The following SERINC5 variants were observed in gnomAD, a reference collection of about 807,000 sequenced individuals.
SERINC5 encodes the protein chromosome 5 open reading frame 12.
A neutral mutation model predicts 63.1 loss-of-function variants in SERINC5; 41 were observed. That is an observed-to-expected ratio of 0.65 (90% confidence interval 0.51 to 0.84). The LOEUF (loss-of-function observed/expected upper bound fraction) is 0.84, where lower values mean the gene tolerates loss of function less well. Among genes scored for constraint, SERINC5 ranks in the 40% least tolerant of loss-of-function variants. The probability of loss-of-function intolerance (pLI) is 0.00; values close to 1 mark genes in which losing one functional copy is unlikely to be tolerated. For synonymous variants in SERINC5, 222 were observed against 215.2 expected (o/e 1.03, Z -0.28); for missense variants, 523 against 573.0 (o/e 0.91, Z 0.89).
intron 1 of SERINC5, among the ~76,000 whole-genome samples, chr5:80,204,874 A>T (rs1750073197): frequency 6.6e-6 from 1 of 152,208 alleles, no homozygotes; most frequent in Admixed American, 6.5e-5. Flanking sequence ...GGGAAAAACA[A>T]AACTGCAGCT....
chr5:80,255,917 T>C lies in SERINC5; in HGVS notation c.6A>G (p.Ser2=), dbSNP rs1400193607. M[S]AQCCAGQLAC... ...TCACCTGGCCCGCACAGCACTGAGC[T>C]GACATCGCGGCGGCCAATGCCGAAG... The change falls in exon 1 of 12, where the codon TCA becomes TCG. Residue 2 remains serine (S), a synonymous_variant. Coordinates refer to ENST00000507668, the MANE Select transcript of SERINC5 (RefSeq NM_001174072.3). 4 of 1,567,236 alleles carry C rather than the reference T, an allele frequency of 2.6e-6. No homozygotes were observed. The highest frequency in any genetic ancestry group is 2.1e-4 in the Middle Eastern group (1 of 4,758).
intron 7 of SERINC5, among the ~76,000 whole-genome samples, chr5:80,163,571 G>A (rs945438777): frequency 1.3e-5 from 2 of 150,838 alleles, no homozygotes; most frequent in Non-Finnish European, 2.9e-5. Flanking sequence ...ATGAAAAGAT[G>A]CTGAATTTTA....
intron 1 of SERINC5, among the ~76,000 whole-genome samples, chr5:80,207,042 A>G (rs1338770594): frequency 2.0e-5 from 3 of 151,924 alleles, no homozygotes; most frequent in Non-Finnish European, 4.4e-5. Context: ...TCAGTCGCCC[A>G]GGCTGGAGTG....
At chr5:80,229,180 C>T (rs1404518539) in intron 1 of SERINC5, among the ~76,000 whole-genome samples, 1 of 151,474 alleles carries the variant, frequency 6.6e-6, no homozygotes, top group Admixed American at 6.6e-5. Flanking sequence ...CATGCCACCA[C>T]GCCCGGCTAA....
intron 2 of SERINC5, among the ~76,000 whole-genome samples, chr5:80,196,863 C>T (rs1037162930): frequency 2.6e-5 from 4 of 152,022 alleles, no homozygotes; most frequent in Non-Finnish European, 5.9e-5. Flanking sequence ...TCGCTTGAAC[C>T]TGGGAGGCGG....
chr5:80,255,935 T>C lies in SERINC5; in HGVS notation c.-13A>G. Reference sequence around the variant, plus strand: ...ACTGAGCTGACATCGCGGCGGCCAATGCCGAAGGCGCGCTCGCTGGCTCCC... The same window carrying C: ...ACTGAGCTGACATCGCGGCGGCCAACGCCGAAGGCGCGCTCGCTGGCTCCC... On this transcript the variant is annotated 5_prime_UTR_variant, in exon 1 of 12. Transcript: ENST00000507668. 6.5e-7 allele frequency: 1 copy of C among 1,548,116 alleles called. No individual in the cohort carries two copies. Among genetic ancestry groups the C allele is most frequent in the Non-Finnish European group, 8.7e-7 (1 of 1,156,022 alleles).
intron 1 of SERINC5, among the ~76,000 whole-genome samples, chr5:80,222,636 G>A (rs1278450662): frequency 1.3e-5 from 2 of 151,854 alleles, no homozygotes; most frequent in African/African-American, 4.8e-5. Context: ...GCAATGGAGC[G>A]ATCTCGGCTC....
At chr5:80,149,105 G>A (rs188325724) in intron 9 of SERINC5, among the ~76,000 whole-genome samples, 48 of 152,330 alleles carry the variant, frequency 3.2e-4, no homozygotes, top group African/African-American at 1.1e-3. Context: ...ATGCTCTCCA[G>A]TTCAGAAGGA....
intron 11 of SERINC5, among the ~76,000 whole-genome samples, chr5:80,125,408 T>C (rs1473505439): frequency 6.6e-6 from 1 of 152,056 alleles, no homozygotes; most frequent in Admixed American, 6.5e-5. Context: ...GGGAGCTTGA[T>C]AGAAATAGGG....
intron 1 of SERINC5, among the ~76,000 whole-genome samples, chr5:80,254,257 T>A (rs1216341146): frequency 1.3e-5 from 2 of 152,032 alleles, no homozygotes; most frequent in African/African-American, 2.4e-5. Flanking sequence ...TACCGCCCCA[T>A]CCACAGGAAA....
At chr5:80,160,143 T>C (rs1001765117) in intron 7 of SERINC5, among the ~76,000 whole-genome samples, 2 of 152,102 alleles carry the variant, frequency 1.3e-5, no homozygotes, top group East Asian at 1.9e-4. Context: ...GATCTGACCT[T>C]ATCTCCAGGT....
At chr5:80,240,949 T>C (rs1011288260) in intron 1 of SERINC5, among the ~76,000 whole-genome samples, 4 of 152,210 alleles carry the variant, frequency 2.6e-5, no homozygotes, top group African/African-American at 9.6e-5. Flanking sequence ...GCTGGGATTA[T>C]AGGCATGAGC....
chr5:80,135,318 GCCA>G (rs1745118100), downstream of SERINC5, among the ~76,000 whole-genome samples: 1 of 152,202 alleles, frequency 6.6e-6, no homozygotes, highest in South Asian at 2.1e-4. Context: ...ACAGGCATGA[GCCA>G]CCACGCCAGG....
At chr5:80,190,763 A>G (rs1311511812) in intron 2 of SERINC5, among the ~76,000 whole-genome samples, 5 of 152,204 alleles carry the variant, frequency 3.3e-5, no homozygotes, top group African/African-American at 1.2e-4. Context: ...CACCAAACCT[A>G]TAACCTCAAG....
At chr5:80,205,353 C>T (rs531224949) in intron 1 of SERINC5, among the ~76,000 whole-genome samples, 10 of 152,186 alleles carry the variant, frequency 6.6e-5, no homozygotes, top group Non-Finnish European at 1.5e-4. Flanking sequence ...ACAACATGAC[C>T]ATCAACCCTA....
intron 1 of SERINC5, among the ~76,000 whole-genome samples, chr5:80,231,623 TAA>T (rs377434100): frequency 7.1e-6 from 1 of 140,266 alleles, no homozygotes. Context: ...ACAGTCAAAT[TAA>T]AAAAAAAAAA....
chr5:80,207,680 C>A (rs112694277), intron 1 of SERINC5, among the ~76,000 whole-genome samples: 2 of 152,172 alleles, frequency 1.3e-5, no homozygotes, highest in African/African-American at 4.8e-5. Context: ...TACATATGTA[C>A]ATATATATGT....
At chr5:80,147,693 TC>T (rs138770680) in intron 9 of SERINC5, among the ~76,000 whole-genome samples, 7,442 of 152,122 alleles carry the variant, frequency 0.049, 642 homozygotes, top group African/African-American at 0.17. Context: ...CCCTTCTCCC[TC>T]CCACATGTGC....
At chr5:80,124,242 GAA>G (rs1744653788) in intron 11 of SERINC5, among the ~76,000 whole-genome samples, 1 of 152,174 alleles carries the variant, frequency 6.6e-6, no homozygotes, top group African/African-American at 2.4e-5. Context: ...ACTAACCAGA[GAA>G]AGCCAAATGG....
Sources: allele counts gnomAD v4.1 joint callset (sites outside exome capture counted in the v4.1 genomes callset), GRCh38; gene constraint gnomAD v4.1.1; transcripts MANE v1.5; gene names NCBI Gene and HGNC (gene_info 2026-07-23, HGNC 2026-07-21).